Variants in SGCD observed in about 807,000 individuals in gnomAD.
SGCD encodes the protein delta-sarcoglycan.
A neutral mutation model predicts 36.6 loss-of-function variants in SGCD; 18 were observed. The ratio of observed to expected loss-of-function variants is 0.49; its 90% confidence interval spans 0.34 to 0.73. SGCD has a LOEUF of 0.73. Among genes scored for constraint, SGCD ranks in the 30% least tolerant of loss-of-function variants. SGCD has a pLI of 0.01. For synonymous variants in SGCD, 133 were observed against 130.6 expected (o/e 1.02, Z -0.12); for missense variants, 387 against 346.7 (o/e 1.12, Z -0.92).
chr5:155,997,963 T>G (rs922214721), intron 1 of SGCD, among the ~76,000 whole-genome samples: 2 of 152,192 alleles, frequency 1.3e-5, no homozygotes, highest in Non-Finnish European at 2.9e-5. Flanking sequence ...TGCTTATTCA[T>G]AGCGTAGATT....
chr5:156,072,072 G>A (rs1760588963), intron 1 of SGCD, among the ~76,000 whole-genome samples: 1 of 152,128 alleles, frequency 6.6e-6, no homozygotes, highest in Admixed American at 6.5e-5. Context: ...GATGGGTCTT[G>A]ACTCTTTATC....
chr5:156,207,327 C>G (rs1764307335), intron 3 of SGCD, among the ~76,000 whole-genome samples: 2 of 151,982 alleles, frequency 1.3e-5, no homozygotes, highest in African/African-American at 4.8e-5. Flanking sequence ...TTTTGGGGGC[C>G]CAGCACTGTA....
intron 3 of SGCD, among the ~76,000 whole-genome samples, chr5:156,284,160 C>T (rs1375555210): frequency 6.6e-6 from 1 of 152,082 alleles, no homozygotes; most frequent in African/African-American, 2.4e-5. Flanking sequence ...ATAACAGGCT[C>T]TGAAATTGAG....
intron 3 of SGCD, among the ~76,000 whole-genome samples, chr5:156,314,998 AC>A (rs1767477593): frequency 6.6e-6 from 1 of 152,066 alleles, no homozygotes; most frequent in South Asian, 2.1e-4. Context: ...AGAAATAATC[AC>A]CACAATCAAT....
At chr5:156,205,714 C>A (rs1243654492) in intron 3 of SGCD, among the ~76,000 whole-genome samples, 2 of 151,930 alleles carry the variant, frequency 1.3e-5, no homozygotes, top group African/African-American at 4.8e-5. Context: ...TGAAATACAG[C>A]AAATTCCTAA....
intron 5 of SGCD, among the ~76,000 whole-genome samples, chr5:156,593,640 T>G (rs1169808005): frequency 6.6e-6 from 1 of 152,192 alleles, no homozygotes; most frequent in African/African-American, 2.4e-5. Flanking sequence ...AATAAGCTAA[T>G]ATAAGGTCAC....
chr5:156,137,078 T>C (rs1215876516), intron 3 of SGCD, among the ~76,000 whole-genome samples: 1 of 152,202 alleles, frequency 6.6e-6, no homozygotes, highest in East Asian at 1.9e-4. Context: ...TACTCATTAA[T>C]GGAATGATAG....
At chr5:156,140,900 C>T (rs1262659688) in intron 3 of SGCD, among the ~76,000 whole-genome samples, 1 of 152,152 alleles carries the variant, frequency 6.6e-6, no homozygotes, top group African/African-American at 2.4e-5. Context: ...ATCTTTGAGG[C>T]TGCCACTTCC....
At chr5:156,716,700 G>C (rs986995615) in intron 7 of SGCD, among the ~76,000 whole-genome samples, 2 of 152,194 alleles carry the variant, frequency 1.3e-5, no homozygotes, top group Non-Finnish European at 2.9e-5. Context: ...GGATTAGAAT[G>C]CTTTGTTTCC....
chr5:156,737,351 C>T (rs1581501268), intron 7 of SGCD, among the ~76,000 whole-genome samples: 1 of 152,188 alleles, frequency 6.6e-6, no homozygotes, highest in African/African-American at 2.4e-5. Flanking sequence ...TTAGGCTTAA[C>T]TTCCCCCAAC....
intron 1 of SGCD, among the ~76,000 whole-genome samples, chr5:156,012,934 G>T (rs1297995845): frequency 6.7e-6 from 1 of 149,412 alleles, no homozygotes; most frequent in Non-Finnish European, 1.5e-5. Flanking sequence ...ATGATTTATA[G>T]CATTCCATTT....
At position 156,588,880 on chromosome 5, in the gene SGCD, C is replaced by T. The variant is rs527615413; in HGVS notation, c.295-351C>T. Among the ~76,000 whole-genome samples, 330 of 152,204 alleles carry T rather than the reference C, an allele frequency of 2.2e-3. 2 individuals carry two copies. Among genetic ancestry groups the T allele is most frequent in the Non-Finnish European group, 3.0e-3 (206 of 68,004 alleles). On this transcript the variant is annotated intron_variant, in intron 4 of 8. Transcript: ENST00000337851. ...TAGGAGATTATCATTCATTTCTGAT[C>T]ATTCTGTATACCAAGACTAATATTT... is the stretch of plus-strand genomic sequence containing the variant.
At chr5:156,075,816 C>T (rs1184348896) in intron 1 of SGCD, among the ~76,000 whole-genome samples, 1 of 152,182 alleles carries the variant, frequency 6.6e-6, no homozygotes, top group Non-Finnish European at 1.5e-5. Context: ...GGCAAGAGTA[C>T]ATTGAAGAGT....
At chr5:155,924,118 T>C (rs1756946521) in intron 1 of SGCD, among the ~76,000 whole-genome samples, 1 of 152,204 alleles carries the variant, frequency 6.6e-6, no homozygotes, top group Non-Finnish European at 1.5e-5. Context: ...CTCTTTTCCT[T>C]GTCCTTCTTG....
At chr5:155,830,642 A>C in the SGCD span, among the ~76,000 whole-genome samples, 1 of 152,238 alleles carries the variant, frequency 6.6e-6, no homozygotes, top group Non-Finnish European at 1.5e-5. Context: ...TAGTTTTTAA[A>C]GACTTCTGTT....
At chr5:156,139,787 G>A (rs73811412) in intron 3 of SGCD, among the ~76,000 whole-genome samples, 7,197 of 152,240 alleles carry the variant, frequency 0.047, 580 homozygotes, top group African/African-American at 0.16. Context: ...ATGGTTCGAA[G>A]GATGATGCCT....
intron 1 of SGCD, among the ~76,000 whole-genome samples, chr5:156,084,510 C>T (rs1324227815): frequency 6.6e-6 from 1 of 152,170 alleles, no homozygotes; most frequent in Admixed American, 6.5e-5. Context: ...AGAGATCAGG[C>T]ATGTTCAGTG....
chr5:156,516,852 C>T (rs1339456207), intron 4 of SGCD, among the ~76,000 whole-genome samples: 1 of 152,122 alleles, frequency 6.6e-6, no homozygotes, highest in African/African-American at 2.4e-5. Flanking sequence ...CAAAAATTAG[C>T]CAGGCTTGGT....
At chr5:156,037,284 AG>A (rs1231345821) in intron 1 of SGCD, among the ~76,000 whole-genome samples, 1 of 152,180 alleles carries the variant, frequency 6.6e-6, no homozygotes, top group Non-Finnish European at 1.5e-5. Flanking sequence ...GAGCAGCAGG[AG>A]TGGCATGTGC....
Sources: allele counts gnomAD v4.1 joint callset (sites outside exome capture counted in the v4.1 genomes callset), GRCh38; gene constraint gnomAD v4.1.1; transcripts MANE v1.5; gene names NCBI Gene and HGNC (gene_info 2026-07-23, HGNC 2026-07-21).